Variants in PIM1 observed in about 807,000 individuals in gnomAD.
The protein encoded by PIM1 is Pim-1 proto-oncogene, serine/threonine kinase, also known as serine/threonine-protein kinase pim-1.
A neutral mutation model predicts 34.5 loss-of-function variants in PIM1; 9 were observed. The ratio of observed to expected loss-of-function variants is 0.26; its 90% CI spans 0.16 to 0.46. The LOEUF is 0.46. PIM1 is among the 20% of genes least tolerant of loss of function. The pLI, the probability that PIM1 is intolerant of heterozygous loss-of-function variation, is 1.00. For missense variants in PIM1, 274 were observed against 410.9 expected (o/e 0.67, Z 2.88); for synonymous variants, 199 against 175.2 (o/e 1.14, Z -1.07).
chr6:37,171,533 C>T (rs1762286002), intron 4 of PIM1, 42 bp downstream of exon 4: 4 of 1,594,238 alleles, frequency 2.5e-6, no homozygotes, highest in Non-Finnish European at 2.6e-6. Context: ...TGACTCGGCC[C>T]GGCCCGGCCC....
chr6:37,172,985 T>G lies in PIM1; in HGVS notation c.608-11T>G. ...AAAGTGTGTTTTCTCTTCTATTCCC[T>G]TGGCTCACAGGGACCCGAGTGTATA... is the stretch of plus-strand genomic sequence containing the variant. On this transcript the variant is annotated splice_polypyrimidine_tract_variant and intron_variant, in intron 4 of 5. Transcript: ENST00000373509. 1 of 1,613,508 alleles carries G rather than the reference T, an allele frequency of 6.2e-7. No homozygotes were observed. Among genetic ancestry groups the G allele is most frequent in the South Asian group, 1.1e-5 (1 of 91,064 alleles).
chr6:37,170,347 G>T lies in PIM1; in HGVS notation c.-229G>T. 2 of 1,510,246 alleles carry T rather than the reference G, an allele frequency of 1.3e-6. No individual in the cohort carries two copies. Among genetic ancestry groups the T allele is most frequent in the Non-Finnish European group, 1.8e-6 (2 of 1,134,952 alleles). The allele number at this position is 1,510,246 out of a possible 1,614,324, so 93.6% of individuals were successfully genotyped here. ...AGCCGCTCACCCCGCCGTTCTCAGC[G>T]CTGCCCGACCCCGCTGGCGCGCCCT... On this transcript the variant is annotated 5_prime_UTR_variant, in exon 1 of 6. Coordinates refer to ENST00000373509, the MANE Select transcript of PIM1 (RefSeq NM_002648.4).
At position 37,173,029 on chromosome 6, in the gene PIM1, G is replaced by A. The variant is rs1442496121; in HGVS notation, c.641G>A (p.Arg214His). The A allele has an allele frequency of 1.9e-6, 3 of 1,613,978 alleles. No individual in the cohort carries two copies. The highest frequency in any genetic ancestry group is 2.5e-6 in the Non-Finnish European group (3 of 1,180,034). Residue 214 changes from arginine to histidine, a missense_variant, in exon 5 of 6, where the codon CGC (arginine) becomes CAC (histidine). Coordinates refer to ENST00000373509, the MANE Select transcript of PIM1 (RefSeq NM_002648.4). ...TRVYSPPEWI[R>H]YHRYHGRSAA... ...GTGTATAGCCCTCCAGAGTGGATCC[G>A]CTACCATCGCTACCATGGCAGGTCG...
At chr6:37,172,748 G>C in intron 4 of PIM1, 1 of 635,852 alleles carries the variant, frequency 1.6e-6, no homozygotes, top group Non-Finnish European at 2.9e-6. Context: ...TTGTTTCTTG[G>C]AGCAGTTCAT....
intron 5 of PIM1, 64 bp downstream of exon 5, chr6:37,173,236 G>A: frequency 6.8e-7 from 1 of 1,463,986 alleles, no homozygotes; most frequent in Non-Finnish European, 9.4e-7. Flanking sequence ...GTCTTCATGG[G>A]ACAGTCTTTG....
Position 37,171,214 on chromosome 6 carries a change from C to T in PIM1, c.330C>T (p.Phe110=). The T allele has an allele frequency of 6.2e-7, 1 of 1,614,048 alleles. No homozygotes were observed. The change falls in exon 4 of 6, where the codon TTC becomes TTT. Residue 110 remains phenylalanine, a synonymous_variant. Transcript: ENST00000373509. ...GCGTCATTAGGCTCCTGGACTGGTT[C>T]GAGAGGCCCGACAGTTTCGTCCTGA... ...FSGVIRLLDW[F]ERPDSFVLIL... is the part of the protein sequence containing the mutation.
rs1762268300 is a variant in PIM1 at position 37,170,894 on chromosome 6, C to G, written c.189+15C>G. On this transcript the variant is annotated intron_variant, in intron 2 of 5. Coordinates refer to ENST00000373509, the MANE Select transcript of PIM1 (RefSeq NM_002648.4). ...ACAACTTGCCGGTGAGTGGGCGCCC[C>G]GCGGTGGGGAGGGCGCGCCGGGCGG... 1 of 1,612,024 alleles carries G rather than the reference C, an allele frequency of 6.2e-7. No individual in the cohort carries two copies. Among genetic ancestry groups the G allele is most frequent in the South Asian group, 1.1e-5 (1 of 91,004 alleles).
intron 4 of PIM1, 152 bp from the exon 5 acceptor site, chr6:37,172,844 T>A: frequency 1.4e-6 from 1 of 739,864 alleles, no homozygotes; most frequent in South Asian, 1.5e-5. Context: ...GCCTCCACTC[T>A]CCTTAGCCCA....
intron 4 of PIM1, chr6:37,172,713 GT>G (rs1415195098): frequency 1.2e-5 from 7 of 583,886 alleles, no homozygotes; most frequent in Non-Finnish European, 2.3e-5. Context: ...AGGGCCTCAA[GT>G]TTTGGGTCTG....
chr6:37,173,310 T>C, intron 5 of PIM1, 138 bp downstream of exon 5: 2 of 744,494 alleles, frequency 2.7e-6, no homozygotes, highest in Non-Finnish European at 4.3e-6. Context: ...TGTAGGTGAG[T>C]GATTTACACT....
intron 5 of PIM1, 51 bp from the exon 6 acceptor site, chr6:37,173,883 T>C (rs774022907): frequency 1.3e-6 from 2 of 1,551,692 alleles, no homozygotes; most frequent in Non-Finnish European, 8.8e-7. Flanking sequence ...ACCTTTGCAG[T>C]GTAAAAACAA....
chr6:37,172,439 T>C (rs1031699193), intron 4 of PIM1: 4 of 373,730 alleles, frequency 1.1e-5, no homozygotes, highest in Non-Finnish European at 1.6e-5. Context: ...AAACCAACCC[T>C]GCAGCTCTGT....
Position 37,170,198 on chromosome 6 carries a change from T to C in PIM1, c.-378T>C. 8.7e-7 allele frequency: 1 copy of C among 1,148,978 alleles called. No individual in the cohort carries two copies. Among genetic ancestry groups the C allele is most frequent in the Non-Finnish European group, 1.1e-6 (1 of 925,818 alleles). 71.2% of individuals were successfully genotyped at this position (1,148,978 alleles called of 1,614,324 possible). On this transcript the variant is annotated 5_prime_UTR_variant, in exon 1 of 6. Coordinates refer to ENST00000373509, the MANE Select transcript of PIM1 (RefSeq NM_002648.4). ...CGGGCGTCTGCTGCAGCGGCCGCGG[T>C]GGCTGAGGAGGCCCGAGAGGAGTCG...
chr6:37,172,101 T>G (rs1762299950), intron 4 of PIM1, among the ~76,000 whole-genome samples: 1 of 151,946 alleles, frequency 6.6e-6, no homozygotes, highest in Admixed American at 6.6e-5. Context: ...AAACCTATCC[T>G]AGGGAGGGGC....
In PIM1 at chr6:37,171,118, C is replaced by G. The variant is rs753259722; in HGVS notation, c.241-7C>G. ...CCCGCCCTAACGCGGCCCCCTCGCC[C>G]CTGCAGCCTAATGGCACTCGAGTGC... On this transcript the variant is annotated splice_region_variant and splice_polypyrimidine_tract_variant and intron_variant, in intron 3 of 5. Transcript: ENST00000373509. 5.6e-6 allele frequency: 9 copies of G among 1,613,894 alleles called. No homozygotes were observed. Among genetic ancestry groups the G allele is most frequent in the Non-Finnish European group, 4.2e-6 (5 of 1,179,966 alleles).
intron 4 of PIM1, among the ~76,000 whole-genome samples, chr6:37,172,267 G>T (rs1334620045): frequency 6.6e-6 from 1 of 152,162 alleles, no homozygotes; most frequent in Non-Finnish European, 1.5e-5. Flanking sequence ...CTTGGAGGAC[G>T]CTGGGTTGGG....
Position 37,171,504 on chromosome 6 carries a change from C to T in PIM1, c.607+13C>T, listed in dbSNP as rs748229296. On this transcript the variant is annotated intron_variant, in intron 4 of 5. Transcript: ENST00000373509. ...ACGGACTTCGATGGTGAGCCAGGCC[C>T]GGGAGGGAGCTGCCCAGGTGACTCG... 17 of 1,611,698 alleles carry T rather than the reference C, an allele frequency of 1.1e-5. No homozygotes were observed. Among genetic ancestry groups the T allele is most frequent in the Non-Finnish European group, 1.4e-5 (17 of 1,179,170 alleles).
At chr6:37,173,652 T>C (rs1762347733) in intron 5 of PIM1, among the ~76,000 whole-genome samples, 1 of 152,174 alleles carries the variant, frequency 6.6e-6, no homozygotes. Context: ...TCATCATCCT[T>C]CCTATTTCTG....
At chr6:37,170,942 C>T (rs772887811) in intron 2 of PIM1, 39 bp from the exon 3 acceptor site, 19 of 1,613,784 alleles carry the variant, frequency 1.2e-5, no homozygotes, top group Non-Finnish European at 1.5e-5. Context: ...CGTGCTTTAG[C>T]CCGGACGAGG....
Sources: allele counts gnomAD v4.1 joint callset (sites outside exome capture counted in the v4.1 genomes callset), GRCh38; gene constraint gnomAD v4.1.1; transcripts MANE v1.5; gene names NCBI Gene and HGNC (gene_info 2026-07-23, HGNC 2026-07-21).